PPM1E: variants seen among roughly 807,000 people sequenced by gnomAD.
PPM1E encodes the protein protein phosphatase, Mg2+/Mn2+ dependent 1E, also known as protein phosphatase 1E.
PPM1E carries 20 observed loss-of-function variants against 65.9 expected under a neutral mutation model. That is an observed-to-expected ratio of 0.30 (90% CI 0.21 to 0.44). The LOEUF (loss-of-function observed/expected upper bound fraction) is 0.44, where lower values mean the gene tolerates loss of function less well. PPM1E is among the 20% of genes least tolerant of loss of function. PPM1E has a pLI of 1.00. For synonymous variants in PPM1E, 352 were observed against 374.9 expected, an observed-to-expected ratio of 0.94 and a Z score of 0.70; for missense variants, 713 against 953.1, an observed-to-expected ratio of 0.75 and a Z score of 3.32.
intron 2 of PPM1E, among the ~76,000 whole-genome samples, chr17:58,958,556 A>C (rs908057801): frequency 2.0e-5 from 3 of 152,110 alleles, no homozygotes; most frequent in Non-Finnish European, 2.9e-5. Flanking sequence ...TCACTAATAC[A>C]GAGGAAATTT....
At chr17:58,789,215 C>G (rs2144239917) in intron 1 of PPM1E, among the ~76,000 whole-genome samples, 1 of 152,316 alleles carries the variant, frequency 6.6e-6, no homozygotes, top group South Asian at 2.1e-4. Flanking sequence ...ATTCTAAGAA[C>G]ATAAGAAACA....
At chr17:58,955,400 CT>C (rs1324201297) in intron 1 of PPM1E, 1 of 502,004 alleles carries the variant, frequency 2.0e-6, no homozygotes, top group Admixed American at 3.7e-5. Context: ...ACTTATCCTG[CT>C]TTTAAGTTAT....
chr17:58,924,977 T>C (rs1291332302), intron 1 of PPM1E, among the ~76,000 whole-genome samples: 1 of 152,150 alleles, frequency 6.6e-6, no homozygotes, highest in Non-Finnish European at 1.5e-5. Context: ...TAGTCTATCA[T>C]TTTGGGGCAT....
At chr17:58,898,255 A>C (rs1009165482) in intron 1 of PPM1E, among the ~76,000 whole-genome samples, 1 of 147,868 alleles carries the variant, frequency 6.8e-6, no homozygotes, top group African/African-American at 2.5e-5. Context: ...CTGCGTCTCA[A>C]AAAAAAAAAA....
chr17:58,756,338 T>TGCC lies in PPM1E; in HGVS notation c.354_356dup (p.Pro119dup), dbSNP rs749317297. On this transcript the variant is annotated inframe_insertion, in exon 1 of 7. Transcript: ENST00000308249. ...GCGGCAGCCCCGGGGCACTCGGCCGTGCCGCCGCCGCCGCCCCAGCTGCCG... is the reference window on the plus strand; with the variant it reads ...GCGGCAGCCCCGGGGCACTCGGCCGTGCCGCCGCCGCCGCCGCCCCAGCTGCCG... 22 of 1,387,878 alleles carry TGCC rather than the reference T, an allele frequency of 1.6e-5. No homozygotes were observed. Among genetic ancestry groups the TGCC allele is most frequent in the African/African-American group, 9.2e-5 (6 of 65,242 alleles). 86.0% of individuals were successfully genotyped at this position (1,387,878 alleles called of 1,614,324 possible). A position where few individuals can be genotyped will look rare whatever the true frequency, so the allele number is the denominator to read the frequency against.
chr17:58,871,827 A>G (rs2051074106), intron 1 of PPM1E, among the ~76,000 whole-genome samples: 2 of 151,540 alleles, frequency 1.3e-5, no homozygotes, highest in African/African-American at 4.8e-5. Flanking sequence ...AAAAAAAAAA[A>G]AAAAGAAGAA....
At chr17:58,790,510 C>A (rs2050147197) in intron 1 of PPM1E, among the ~76,000 whole-genome samples, 1 of 152,152 alleles carries the variant, frequency 6.6e-6, no homozygotes, top group South Asian at 2.1e-4. Flanking sequence ...TAATTCCCCT[C>A]TCCTTGAATC....
At chr17:58,881,727 T>G (rs2143392088) in intron 1 of PPM1E, among the ~76,000 whole-genome samples, 1 of 151,600 alleles carries the variant, frequency 6.6e-6, no homozygotes, top group Admixed American at 6.6e-5. Flanking sequence ...ACCTGTAGTC[T>G]CAGCTACTCA....
intron 1 of PPM1E, among the ~76,000 whole-genome samples, chr17:58,889,762 G>A (rs1427845213): frequency 6.6e-6 from 1 of 152,116 alleles, no homozygotes; most frequent in Non-Finnish European, 1.5e-5. Context: ...CAAGTACATA[G>A]CTATCTTTAT....
intron 1 of PPM1E, among the ~76,000 whole-genome samples, chr17:58,780,586 T>C (rs2050040949): frequency 6.6e-6 from 1 of 152,240 alleles, no homozygotes. Context: ...TAATGAACTT[T>C]TGTATTTTTA....
rs1418414247 is a variant in PPM1E at position 58,805,969 on chromosome 17, AAAAACAAAAAAAAAACAAAACAAAAC to A, written c.464+49525_464+49550del. 5.7e-4 allele frequency among the ~76,000 whole-genome samples: 67 copies of A among 118,338 alleles called. 1 individual carries two copies. Among genetic ancestry groups the A allele is most frequent in the African/African-American group, 2.2e-3 (59 of 26,644 alleles). The allele number at this position is 118,338 out of a possible 152,430, so 77.6% of individuals were successfully genotyped here. ...TCTGCTAAAAAAAAAAACAAAAAAA[AAAAACAAAAAAAAAACAAAACAAAAC>A]AAAACAAAAAAAAAACTATATGTAG... On this transcript the variant is annotated intron_variant, in intron 1 of 6. Coordinates refer to ENST00000308249, the MANE Select transcript of PPM1E (RefSeq NM_014906.5).
chr17:58,766,196 G>GTTTTTTTTTTT (rs10604459), intron 1 of PPM1E, among the ~76,000 whole-genome samples: 2 of 65,134 alleles, frequency 3.1e-5, no homozygotes, highest in Non-Finnish European at 5.7e-5. Context: ...TGTAATTTCT[G>GTTTTTTTTTTT]TTTTTTTTTT....
At chr17:58,933,479 T>C (rs2051929823) in intron 1 of PPM1E, among the ~76,000 whole-genome samples, 1 of 152,152 alleles carries the variant, frequency 6.6e-6, no homozygotes, top group African/African-American at 2.4e-5. Context: ...TTAAGAAATA[T>C]CAATATAAAC....
At chr17:58,768,393 T>C (rs879275603) in intron 1 of PPM1E, among the ~76,000 whole-genome samples, 2 of 152,156 alleles carry the variant, frequency 1.3e-5, no homozygotes, top group Admixed American at 6.6e-5. Context: ...ACCCTGATTC[T>C]CTAAAGATAC....
chr17:58,873,714 AC>A (rs543987674), intron 1 of PPM1E, among the ~76,000 whole-genome samples: 1 of 148,142 alleles, frequency 6.8e-6, no homozygotes, highest in Non-Finnish European at 1.5e-5. Flanking sequence ...CTGCCTCAGC[AC>A]CCCCAAGTAG....
intron 1 of PPM1E, among the ~76,000 whole-genome samples, chr17:58,905,624 G>A (rs1170618652): frequency 1.3e-5 from 2 of 151,906 alleles, no homozygotes; most frequent in African/African-American, 4.8e-5. Context: ...CTAATATTTA[G>A]ATGAAGATTA....
chr17:58,900,634 A>G (rs1488585146), intron 1 of PPM1E, among the ~76,000 whole-genome samples: 1 of 152,140 alleles, frequency 6.6e-6, no homozygotes, highest in African/African-American at 2.4e-5. Context: ...CAATAAAGCA[A>G]TATTTGCTTT....
In PPM1E at chr17:58,881,798, GTGCCAC is replaced by G. The variant is rs371061919; in HGVS notation, c.465-73847_465-73842del. Among the ~76,000 whole-genome samples the G allele has an allele frequency of 9.1e-3, 1,378 of 152,076 alleles. 17 individuals are homozygous for G. The highest frequency in any genetic ancestry group is 0.031 in the African/African-American group (1,292 of 41,474). ...ACGGAGGTTACATTGAGCCGAGATT[GTGCCAC>G]TGCATTCCAGCCTGGGCGACAGAGC... is the stretch of plus-strand genomic sequence containing the variant. On this transcript the variant is annotated intron_variant, in intron 1 of 6. Transcript: ENST00000308249.
intron 1 of PPM1E, among the ~76,000 whole-genome samples, chr17:58,909,637 G>C (rs1478768346): frequency 3.3e-5 from 5 of 151,976 alleles, no homozygotes; most frequent in African/African-American, 1.2e-4. Context: ...TTCTCTTCTT[G>C]CTTGCATGGT....
Sources: allele counts gnomAD v4.1 joint callset (sites outside exome capture counted in the v4.1 genomes callset), GRCh38; gene constraint gnomAD v4.1.1; transcripts MANE v1.5; gene names NCBI Gene and HGNC (gene_info 2026-07-23, HGNC 2026-07-21).